SLC24A3: variants seen among roughly 807,000 people sequenced by gnomAD.
SLC24A3 encodes sodium/potassium/calcium exchanger 3.
A neutral mutation model predicts 75.8 loss-of-function variants in SLC24A3; 28 were observed. That is an observed-to-expected ratio of 0.37 (90% CI 0.27 to 0.51). The LOEUF is 0.51. SLC24A3 is among the 20% of genes least tolerant of loss of function. SLC24A3 has a pLI of 0.94. For missense variants in SLC24A3, 663 were observed against 847.8 expected (o/e 0.78, Z 2.71); for synonymous variants, 372 against 334.1 (o/e 1.11, Z -1.24).
At chr20:19,249,358 A>T (rs892413993) in intron 1 of SLC24A3, among the ~76,000 whole-genome samples, 2 of 152,146 alleles carry the variant, frequency 1.3e-5, no homozygotes, top group African/African-American at 4.8e-5. Flanking sequence ...AGTGTCATGA[A>T]ATATCTTCAA....
At chr20:19,629,084 A>G (rs542989908) in intron 6 of SLC24A3, among the ~76,000 whole-genome samples, 2 of 152,228 alleles carry the variant, frequency 1.3e-5, no homozygotes, top group East Asian at 3.9e-4. Context: ...AATTACCTGA[A>G]AAAGAATTAA....
intron 2 of SLC24A3, among the ~76,000 whole-genome samples, chr20:19,485,743 AC>A (rs371091342): frequency 1.9e-4 from 29 of 152,226 alleles, no homozygotes; most frequent in African/African-American, 7.0e-4. Context: ...GGACCAAACA[AC>A]CAAGATTCAC....
At chr20:19,616,113 C>T (rs570382306) in intron 6 of SLC24A3, among the ~76,000 whole-genome samples, 1 of 152,338 alleles carries the variant, frequency 6.6e-6, no homozygotes, top group East Asian at 1.9e-4. Context: ...ATGATGCAGG[C>T]TCACCAGAGT....
chr20:19,453,834 T>A (rs1447373528), intron 2 of SLC24A3, among the ~76,000 whole-genome samples: 2 of 152,088 alleles, frequency 1.3e-5, no homozygotes, highest in Admixed American at 6.5e-5. Context: ...AACGAGGACA[T>A]CAAAACACAC....
At chr20:19,218,451 A>C (rs1981622808) in intron 1 of SLC24A3, among the ~76,000 whole-genome samples, 1 of 152,232 alleles carries the variant, frequency 6.6e-6, no homozygotes, top group Non-Finnish European at 1.5e-5. Context: ...TCTGTGGAGG[A>C]GGACATGAAT....
chr20:19,701,780 G>A (rs1388602199), intron 15 of SLC24A3, among the ~76,000 whole-genome samples: 3 of 151,964 alleles, frequency 2.0e-5, no homozygotes, highest in Non-Finnish European at 4.4e-5. Flanking sequence ...TTGTCCCTCT[G>A]TTGAGGACTA....
intron 15 of SLC24A3, among the ~76,000 whole-genome samples, chr20:19,711,665 G>A (rs888673464): frequency 1.3e-5 from 2 of 151,602 alleles, no homozygotes; most frequent in Non-Finnish European, 1.5e-5. Flanking sequence ...TTTTCGACAA[G>A]AGTTTCACTC....
chr20:19,538,292 G>A (rs2030436326), intron 3 of SLC24A3, among the ~76,000 whole-genome samples: 1 of 152,148 alleles, frequency 6.6e-6, no homozygotes, highest in African/African-American at 2.4e-5. Context: ...TCGTCAGTGG[G>A]TAGATTATTG....
intron 2 of SLC24A3, among the ~76,000 whole-genome samples, chr20:19,504,306 AG>A (rs1287876198): frequency 6.6e-6 from 1 of 152,196 alleles, no homozygotes; most frequent in Non-Finnish European, 1.5e-5. Flanking sequence ...AGAACCATAA[AG>A]GTTACTTCCA....
chr20:19,216,480 C>T (rs1981558096), intron 1 of SLC24A3, among the ~76,000 whole-genome samples: 1 of 152,124 alleles, frequency 6.6e-6, no homozygotes, highest in Non-Finnish European at 1.5e-5. Flanking sequence ...TGTGGTGGTG[C>T]ATTCCTGTAA....
rs148474663 is a variant in SLC24A3, at chr20:19,667,094, T to C, written c.713+1205T>C. ...TTTCAGCAAAATGACTGCTAACTCT[T>C]TGTTGGTGTGGGCCTCTCTGTATCT... On this transcript the variant is annotated intron_variant, in intron 8 of 16. Coordinates refer to ENST00000328041, the MANE Select transcript of SLC24A3 (RefSeq NM_020689.4). Among the ~76,000 whole-genome samples, 567 of 152,254 alleles carry C rather than the reference T, an allele frequency of 3.7e-3. 4 individuals carry two copies. Among genetic ancestry groups the C allele is most frequent in the African/African-American group, 0.013 (549 of 41,540 alleles).
Position 19,469,649 on chromosome 20 carries a change from C to G in SLC24A3, c.272-45839C>G, listed in dbSNP as rs140926008. On this transcript the variant is annotated intron_variant, in intron 2 of 16. Transcript: ENST00000328041. ...TTCCTGTGTGACTTTGGACCTGTGA[C>G]TCCACCTCAGCTCACTGATTTGCAA... Among the ~76,000 whole-genome samples, 10 of 152,334 alleles carry G rather than the reference C, an allele frequency of 6.6e-5. No homozygotes were observed. In the East Asian group the frequency reaches 1.9e-3, roughly 29 times the overall value.
At chr20:19,635,122 C>G (rs2031984001) in intron 6 of SLC24A3, among the ~76,000 whole-genome samples, 1 of 152,204 alleles carries the variant, frequency 6.6e-6, no homozygotes, top group Non-Finnish European at 1.5e-5. Context: ...GTTCTCAGAA[C>G]AGACACTTAC....
chr20:19,620,145 A>G (rs1227115638), intron 6 of SLC24A3, among the ~76,000 whole-genome samples: 1 of 152,204 alleles, frequency 6.6e-6, no homozygotes, highest in African/African-American at 2.4e-5. Context: ...AGGGTCTCCC[A>G]GCACAAAGAG....
intron 2 of SLC24A3, among the ~76,000 whole-genome samples, chr20:19,304,723 G>A (rs1273460645): frequency 6.6e-6 from 1 of 151,986 alleles, no homozygotes; most frequent in Non-Finnish European, 1.5e-5. Flanking sequence ...ATTTTACAAG[G>A]GGGAAAAAAG....
chr20:19,600,471 G>A (rs748678073), intron 6 of SLC24A3, among the ~76,000 whole-genome samples: 2 of 152,162 alleles, frequency 1.3e-5, no homozygotes, highest in Non-Finnish European at 2.9e-5. Flanking sequence ...GTGCACATCT[G>A]TCATCTCACA....
chr20:19,592,506 G>T (rs1332177337), intron 6 of SLC24A3, among the ~76,000 whole-genome samples: 2 of 152,154 alleles, frequency 1.3e-5, no homozygotes, highest in Non-Finnish European at 2.9e-5. Flanking sequence ...CTCATAATCA[G>T]CACGGTGCAA....
intron 2 of SLC24A3, among the ~76,000 whole-genome samples, chr20:19,357,717 C>T (rs1378327284): frequency 6.6e-6 from 1 of 152,178 alleles, no homozygotes; most frequent in Non-Finnish European, 1.5e-5. Context: ...TTATTGTCCG[C>T]TAAGTATCTC....
intron 6 of SLC24A3, among the ~76,000 whole-genome samples, chr20:19,633,273 G>A (rs1417511652): frequency 2.0e-5 from 3 of 152,192 alleles, no homozygotes; most frequent in Non-Finnish European, 4.4e-5. Context: ...CTTCCTCCTT[G>A]CATTGTAGAT....
Sources: gnomAD v4.1 joint callset for allele counts (sites outside exome capture counted in the v4.1 genomes callset) on GRCh38, gnomAD v4.1.1 for gene constraint, MANE v1.5 for transcripts, NCBI Gene and HGNC (gene_info 2026-07-23, HGNC 2026-07-21) for gene names.